Variants in DCDC1 observed in about 807,000 individuals in gnomAD.
The protein encoded by DCDC1 is doublecortin domain-containing protein 1.
DCDC1 carries 200 observed loss-of-function variants against 178.3 expected under a neutral mutation model. The observed-to-expected ratio is 1.12, with a 90% CI of 1.00 to 1.26. DCDC1 has a LOEUF of 1.26. DCDC1 is among the 50% of genes most tolerant of loss of function. The pLI, the probability that DCDC1 is intolerant of heterozygous loss-of-function variation, is 0.00. For synonymous variants in DCDC1, 690 were observed against 604.8 expected (o/e 1.14, Z -2.07); for missense variants, 1,983 against 1,749.2 (o/e 1.13, Z -2.38).
At chr11:31,077,585 C>T (rs1408301937) in intron 18 of DCDC1, among the ~76,000 whole-genome samples, 1 of 151,978 alleles carries the variant, frequency 6.6e-6, no homozygotes, top group Admixed American at 6.6e-5. Flanking sequence ...CCAAATTCTT[C>T]ATTTCAATGT....
intron 3 of DCDC1, among the ~76,000 whole-genome samples, chr11:31,324,350 G>C (rs552437898): frequency 6.6e-6 from 1 of 151,828 alleles, no homozygotes; most frequent in Non-Finnish European, 1.5e-5. Context: ...AAGTATACAG[G>C]AATAAAAATA....
At chr11:31,161,590 G>A (rs1966316925) in intron 9 of DCDC1, among the ~76,000 whole-genome samples, 1 of 152,162 alleles carries the variant, frequency 6.6e-6, no homozygotes, top group Non-Finnish European at 1.5e-5. Flanking sequence ...TGTGGCCCCA[G>A]CAATCGAAAA....
intron 30 of DCDC1, among the ~76,000 whole-genome samples, chr11:30,905,400 T>C (rs1401014098): frequency 6.6e-6 from 1 of 152,182 alleles, no homozygotes; most frequent in East Asian, 1.9e-4. Context: ...CTGGCTTGTG[T>C]TTCTGGCATT....
intron 20 of DCDC1, among the ~76,000 whole-genome samples, chr11:30,988,791 A>C (rs1950808921): frequency 6.6e-6 from 1 of 152,236 alleles, no homozygotes; most frequent in African/African-American, 2.4e-5. Flanking sequence ...ATTCAAAGGC[A>C]TCGTAGGCTA....
At chr11:31,301,218 T>C (rs1948094702) in intron 6 of DCDC1, among the ~76,000 whole-genome samples, 1 of 152,130 alleles carries the variant, frequency 6.6e-6, no homozygotes, top group African/African-American at 2.4e-5. Flanking sequence ...TTTGAATATA[T>C]ATAGAAAAGT....
At chr11:31,239,702 G>A (rs1284830375) in intron 9 of DCDC1, among the ~76,000 whole-genome samples, 2 of 151,830 alleles carry the variant, frequency 1.3e-5, no homozygotes, top group African/African-American at 2.4e-5. Context: ...TTCATATAAT[G>A]TTGAAATCTT....
Position 31,305,742 on chromosome 11 carries a change from G to A in DCDC1, c.627C>T (p.Asn209=). The change falls in exon 6 of 39, where the codon AAC becomes AAT. Residue 209 remains asparagine (N), a synonymous_variant. Transcript: ENST00000684477. ...CCAAGAACACTCGTCTTGCGGCCAT[G>A]TTCAGATTCAGCTTTTCTGTGCACT... is the stretch of plus-strand genomic sequence containing the variant. ...LEECTEKLNL[N]MAARRVFLAD... is the part of the protein sequence containing the mutation. The A allele has an allele frequency of 6.2e-7, 1 of 1,613,730 alleles. No homozygotes were observed. Among genetic ancestry groups the A allele is most frequent in the Non-Finnish European group, 8.5e-7 (1 of 1,179,836 alleles).
rs542623714 is a variant in DCDC1 at position 31,307,481 on chromosome 11, C to T, written c.434+158G>A. On this transcript the variant is annotated intron_variant, in intron 4 of 38. Coordinates refer to ENST00000684477, the MANE Select transcript of DCDC1 (RefSeq NM_001387274.1). The stretch of plus-strand genomic sequence containing the variant: ...CCACAGTGTAATTAACAACATTCTA[C>T]TCTGGTGCTTTCAAAGAAAAAAACA... 6.7e-6 allele frequency: 6 copies of T among 889,028 alleles called. No individual in the cohort carries two copies. The East Asian group carries it at 7.9e-5, about 12-fold the overall frequency. 55.1% of individuals were successfully genotyped at this position (889,028 alleles called of 1,614,324 possible). A position where few individuals can be genotyped will look rare whatever the true frequency, so the allele number is the denominator to read the frequency against.
intron 2 of DCDC1, among the ~76,000 whole-genome samples, chr11:31,334,064 G>C (rs1230769844): frequency 6.6e-6 from 1 of 152,074 alleles, no homozygotes; most frequent in East Asian, 1.9e-4. Flanking sequence ...ATTCTTGGAG[G>C]CTTTGTTCAT....
intron 9 of DCDC1, among the ~76,000 whole-genome samples, chr11:31,213,312 G>A (rs143090205): frequency 5.3e-5 from 8 of 151,702 alleles, no homozygotes; most frequent in African/African-American, 1.9e-4. Flanking sequence ...CCTTATCATT[G>A]GTAAGTAGAG....
intron 20 of DCDC1, among the ~76,000 whole-genome samples, chr11:31,023,969 A>AAG (rs1185523128): frequency 2.6e-5 from 4 of 152,018 alleles, no homozygotes; most frequent in African/African-American, 9.7e-5. Context: ...TTGTACCTAA[A>AAG]ACAATAGGAC....
chr11:31,142,424 C>T (rs1362462832), intron 9 of DCDC1, among the ~76,000 whole-genome samples: 1 of 151,936 alleles, frequency 6.6e-6, no homozygotes, highest in Admixed American at 6.6e-5. Flanking sequence ...CTGTTCCTGC[C>T]ATAAATAGTA....
Position 30,900,496 on chromosome 11 carries a change from T to G in DCDC1, c.4513A>C (p.Asn1505His). The change falls in exon 33 of 39, where the codon AAT becomes CAT. Residue 1505 changes from asparagine (N) to histidine (H), a missense_variant and splice_region_variant. By Grantham distance (68) the Asn-to-His change is moderately conservative. Transcript: ENST00000684477. Reference sequence around the variant, plus strand: ...CTGTTTTTCACTTTCATTCTTGGATTTTCTGGTGGAAAAAATGACACATTT... The same window carrying G: ...CTGTTTTTCACTTTCATTCTTGGATGTTCTGGTGGAAAAAATGACACATTT... ...EQIIVESMEE[N>H]PRMKVKNRLF... 1.3e-6 allele frequency: 2 copies of G among 1,529,368 alleles called. No homozygotes were observed. The highest frequency in any genetic ancestry group is 1.8e-6 in the Non-Finnish European group (2 of 1,134,668). The allele number at this position is 1,529,368 out of a possible 1,614,324, so 94.7% of individuals were successfully genotyped here.
chr11:31,090,032 C>T (rs927428519), intron 17 of DCDC1, among the ~76,000 whole-genome samples: 7 of 152,218 alleles, frequency 4.6e-5, no homozygotes, highest in South Asian at 2.1e-4. Context: ...CAAGTTCATG[C>T]TCAATGTGAG....
At chr11:31,285,324 ACTTTTC>A (rs1390432734) in intron 7 of DCDC1, among the ~76,000 whole-genome samples, 1 of 152,152 alleles carries the variant, frequency 6.6e-6, no homozygotes, top group Non-Finnish European at 1.5e-5. Flanking sequence ...ATATCAATGG[ACTTTTC>A]TTCATATTTC....
chr11:31,109,960 CT>C (rs1555060832), intron 12 of DCDC1, among the ~76,000 whole-genome samples: 1 of 151,926 alleles, frequency 6.6e-6, no homozygotes, highest in Non-Finnish European at 1.5e-5. Context: ...GAATATATCA[CT>C]TTTTTTTACT....
intron 3 of DCDC1, among the ~76,000 whole-genome samples, chr11:31,326,131 G>C (rs1949632133): frequency 6.6e-6 from 1 of 152,194 alleles, no homozygotes; most frequent in South Asian, 2.1e-4. Flanking sequence ...CATAATCAAA[G>C]TTGATGGTAA....
intron 20 of DCDC1, among the ~76,000 whole-genome samples, chr11:31,050,744 A>G (rs1955191295): frequency 6.6e-6 from 1 of 152,206 alleles, no homozygotes; most frequent in Non-Finnish European, 1.5e-5. Context: ...CTAGACCCAG[A>G]AGAGAGACAA....
At chr11:31,301,050 G>A (rs1948080862) in intron 6 of DCDC1, among the ~76,000 whole-genome samples, 1 of 151,904 alleles carries the variant, frequency 6.6e-6, no homozygotes, top group East Asian at 1.9e-4. Context: ...TATATACCAA[G>A]GATATTCTAT....
Sources: allele counts gnomAD v4.1 joint callset (sites outside exome capture counted in the v4.1 genomes callset), GRCh38; gene constraint gnomAD v4.1.1; transcripts MANE v1.5; gene names NCBI Gene and HGNC (gene_info 2026-07-23, HGNC 2026-07-21).